The following ZC3H12B variants were observed in gnomAD, a reference collection of about 807,000 sequenced individuals.
The protein encoded by ZC3H12B is zinc finger CCCH-type containing 12B, also known as probable ribonuclease ZC3H12B.
Under a neutral mutation model 43.9 loss-of-function variants are expected in ZC3H12B, and 7 were observed. The observed-to-expected ratio is 0.16, with a 90% CI of 0.09 to 0.30. ZC3H12B has a LOEUF of 0.30. Among genes scored for constraint, ZC3H12B ranks in the 10% least tolerant of loss-of-function variants. ZC3H12B has a pLI of 1.00. For missense variants in ZC3H12B, 475 were observed against 670.2 expected (o/e 0.71, Z 3.22); for synonymous variants, 222 against 241.7 (o/e 0.92, Z 0.76).
upstream of ZC3H12B, among the ~76,000 whole-genome samples, chrX:65,487,552 CAA>C (rs11308550): frequency 9.4e-6 from 1 of 106,530 alleles, no homozygotes; most frequent in African/African-American, 3.4e-5. Context: ...AAAAACAAAC[CAA>C]AAAAAAACAA....
At chrX:65,439,117 G>A (rs1193816423) in intron 3 of ZC3H12B, among the ~76,000 whole-genome samples, 4 of 112,386 alleles carry the variant, frequency 3.6e-5, no homozygotes, top group Non-Finnish European at 5.6e-5. Context: ...CATTTTAATA[G>A]GTTACTAGCT....
the ZC3H12B span, among the ~76,000 whole-genome samples, chrX:65,218,703 C>T: frequency 9.0e-6 from 1 of 111,134 alleles, no homozygotes; most frequent in Non-Finnish European, 1.9e-5. Flanking sequence ...CTCACCTAAC[C>T]CTGCTCCCAC....
chrX:65,317,844 G>A, the ZC3H12B span, among the ~76,000 whole-genome samples: 8 of 88,430 alleles, frequency 9.0e-5, no homozygotes, highest in East Asian at 1.0e-3. Flanking sequence ...ATATATACAC[G>A]CACACACTAT....
the ZC3H12B span, among the ~76,000 whole-genome samples, chrX:65,175,597 C>T: frequency 9.0e-6 from 1 of 111,648 alleles, no homozygotes; most frequent in African/African-American, 3.3e-5. Flanking sequence ...GCAAGATGGC[C>T]GAATAGGAAC....
intron 3 of ZC3H12B, among the ~76,000 whole-genome samples, chrX:65,474,489 G>A (rs149026332): frequency 8.9e-6 from 1 of 111,803 alleles, no homozygotes; most frequent in South Asian, 3.7e-4. Flanking sequence ...TGATTGGTGA[G>A]TTTAATCCAT....
chrX:65,047,943 T>C, the ZC3H12B span, among the ~76,000 whole-genome samples: 2 of 111,014 alleles, frequency 1.8e-5, no homozygotes, highest in African/African-American at 3.3e-5. Flanking sequence ...AATAACATGG[T>C]ATCTACCCTC....
chrX:65,361,853 C>T (rs1171059601), upstream of ZC3H12B, among the ~76,000 whole-genome samples: 1 of 111,957 alleles, frequency 8.9e-6, no homozygotes, highest in Non-Finnish European at 1.9e-5. Flanking sequence ...CAAGTAGCAA[C>T]ATATTTCTAA....
intron 3 of ZC3H12B, among the ~76,000 whole-genome samples, chrX:65,443,019 G>A (rs1370275852): frequency 9.0e-6 from 1 of 111,247 alleles, no homozygotes; most frequent in Non-Finnish European, 1.9e-5. Context: ...AAATAATAAG[G>A]AGGGGGTGCA....
At chrX:65,199,666 A>G in the ZC3H12B span, among the ~76,000 whole-genome samples, 5 of 111,047 alleles carry the variant, frequency 4.5e-5, no homozygotes, top group Non-Finnish European at 9.4e-5. Flanking sequence ...CTCATCATTC[A>G]GCTCCCACAT....
chrX:65,308,148 T>C, the ZC3H12B span, among the ~76,000 whole-genome samples: 1 of 110,674 alleles, frequency 9.0e-6, no homozygotes, highest in Non-Finnish European at 1.9e-5. Context: ...AAAACAAGTC[T>C]CAGTAAATTT....
intron 3 of ZC3H12B, among the ~76,000 whole-genome samples, chrX:65,413,842 G>C (rs933467552): frequency 8.9e-6 from 1 of 111,857 alleles, no homozygotes; most frequent in Non-Finnish European, 1.9e-5. Flanking sequence ...TGTAAATTTG[G>C]TAGACATTCC....
At chrX:65,272,058 C>T in the ZC3H12B span, 3 of 108,590 alleles carry the variant, frequency 2.8e-5, no homozygotes, top group African/African-American at 1.0e-4. Flanking sequence ...ACTAAAAATA[C>T]AAAAAACTAG....
At chrX:65,161,474 A>G in the ZC3H12B span, among the ~76,000 whole-genome samples, 1 of 111,947 alleles carries the variant, frequency 8.9e-6, no homozygotes, top group African/African-American at 3.2e-5. Context: ...TATTAATGAT[A>G]GTTAGCTCTT....
At chrX:65,210,991 A>T in the ZC3H12B span, among the ~76,000 whole-genome samples, 1 of 63,505 alleles carries the variant, frequency 1.6e-5, no homozygotes, top group African/African-American at 6.9e-5. Context: ...TAGTGGGTGC[A>T]GTGCACCAGC....
the ZC3H12B span, among the ~76,000 whole-genome samples, chrX:65,129,403 C>T: frequency 9.2e-6 from 1 of 108,973 alleles, no homozygotes; most frequent in Non-Finnish European, 1.9e-5. Context: ...AAAAAAGAGT[C>T]AGCAAAGGGA....
chrX:65,212,354 T>G, the ZC3H12B span, among the ~76,000 whole-genome samples: 11 of 26,939 alleles, frequency 4.1e-4, no homozygotes, highest in Non-Finnish European at 6.6e-4. Flanking sequence ...TAAATATAAT[T>G]ATTATATTTA....
the ZC3H12B span, among the ~76,000 whole-genome samples, chrX:65,097,283 C>A: frequency 8.1e-5 from 9 of 111,760 alleles, no homozygotes; most frequent in African/African-American, 2.9e-4. Flanking sequence ...GTCTAATCAA[C>A]CAAAAGAGGT....
the ZC3H12B span, among the ~76,000 whole-genome samples, chrX:65,077,899 T>A: frequency 8.9e-6 from 1 of 111,732 alleles, no homozygotes; most frequent in Non-Finnish European, 1.9e-5. Context: ...TATTTCAGAG[T>A]CCTTTTATTT....
chrX:65,455,352 C>T (rs1037200758), intron 3 of ZC3H12B, among the ~76,000 whole-genome samples: 10 of 111,832 alleles, frequency 8.9e-5, no homozygotes, highest in Non-Finnish European at 1.5e-4. Context: ...GTAGCTGATT[C>T]GATCAACTGG....
Sources: allele counts gnomAD v4.1 joint callset (sites outside exome capture counted in the v4.1 genomes callset), GRCh38; gene constraint gnomAD v4.1.1; transcripts MANE v1.5; gene names NCBI Gene and HGNC (gene_info 2026-07-23, HGNC 2026-07-21).